GABRG2: variants seen among roughly 807,000 people sequenced by gnomAD.
GABRG2 encodes gamma-aminobutyric acid type A receptor subunit gamma2.
Under a neutral mutation model 56.4 loss-of-function variants are expected in GABRG2, and 16 were observed. The observed-to-expected ratio is 0.28, with a 90% CI of 0.19 to 0.43. The LOEUF (loss-of-function observed/expected upper bound fraction) is 0.43. GABRG2 is among the 20% of genes least tolerant of loss of function. The probability of loss-of-function intolerance (pLI) is 1.00; values close to 1 mark genes in which losing one functional copy is unlikely to be tolerated. For synonymous variants in GABRG2, 208 were observed against 205.5 expected (o/e 1.01, Z -0.10); for missense variants, 327 against 582.7 (o/e 0.56, Z 4.52).
At chr5:162,110,320 T>A (rs557594443) in intron 6 of GABRG2, among the ~76,000 whole-genome samples, 1 of 152,212 alleles carries the variant, frequency 6.6e-6, no homozygotes, top group African/African-American at 2.4e-5. Context: ...ATCATACTGT[T>A]CCCTTCCCTG....
At chr5:162,111,006 AT>A (rs1342176363) in intron 6 of GABRG2, among the ~76,000 whole-genome samples, 1 of 152,074 alleles carries the variant, frequency 6.6e-6, no homozygotes, top group Non-Finnish European at 1.5e-5. Context: ...AAAGGAGTAC[AT>A]TTGATTAGAT....
intron 5 of GABRG2, 77 bp downstream of exon 5, chr5:162,101,394 A>C: frequency 1.0e-6 from 1 of 1,004,144 alleles, no homozygotes. Flanking sequence ...TAATTGAAAG[A>C]AGCATAACAA....
chr5:162,135,835 C>T (rs1764084437), intron 6 of GABRG2, among the ~76,000 whole-genome samples: 1 of 152,018 alleles, frequency 6.6e-6, no homozygotes, highest in African/African-American at 2.4e-5. Flanking sequence ...GAACCCCAAT[C>T]AGTGAAGAAT....
At chr5:162,114,260 C>T (rs906227792) in intron 6 of GABRG2, among the ~76,000 whole-genome samples, 4 of 152,006 alleles carry the variant, frequency 2.6e-5, no homozygotes, top group African/African-American at 9.7e-5. Flanking sequence ...GTCCTATTTC[C>T]TATTTTTGGA....
chr5:162,111,675 C>G (rs1230504273), intron 6 of GABRG2, among the ~76,000 whole-genome samples: 2 of 152,040 alleles, frequency 1.3e-5, no homozygotes, highest in African/African-American at 2.4e-5. Context: ...GAAAGATATT[C>G]TTTTTCCATT....
chr5:162,103,788 T>A, intron 5 of GABRG2, 101 bp from the exon 6 acceptor site: 1 of 1,299,452 alleles, frequency 7.7e-7, no homozygotes. Flanking sequence ...CTTGTAACTA[T>A]CTTTCTCAGT....
chr5:162,145,266 G>A (rs1209872979), intron 7 of GABRG2, among the ~76,000 whole-genome samples: 1 of 152,170 alleles, frequency 6.6e-6, no homozygotes, highest in Non-Finnish European at 1.5e-5. Flanking sequence ...TTGGTGCCCA[G>A]GTGGTAGTTG....
At chr5:162,086,283 A>G (rs949463165) in intron 1 of GABRG2, among the ~76,000 whole-genome samples, 1 of 152,084 alleles carries the variant, frequency 6.6e-6, no homozygotes, top group Non-Finnish European at 1.5e-5. Context: ...TAAAAAATTC[A>G]TACTCATATT....
At chr5:162,142,726 A>G in intron 7 of GABRG2, 1 of 319,642 alleles carries the variant, frequency 3.1e-6, no homozygotes, top group South Asian at 2.7e-5. Flanking sequence ...AGGAAGGGGA[A>G]CATCACACAC....
At chr5:162,107,262 A>G (rs541834704) in intron 6 of GABRG2, among the ~76,000 whole-genome samples, 3 of 152,288 alleles carry the variant, frequency 2.0e-5, no homozygotes, top group South Asian at 2.1e-4. Flanking sequence ...AAGTTAATAT[A>G]AGGACCATAA....
At chr5:162,123,371 TTTATCTAA>T (rs1763104208) in intron 6 of GABRG2, among the ~76,000 whole-genome samples, 1 of 139,256 alleles carries the variant, frequency 7.2e-6, no homozygotes, top group South Asian at 2.4e-4. Context: ...GAAACCTTTA[TTTATCTAA>T]TTATCTAATT....
chr5:162,096,520 A>G (rs190681759), intron 3 of GABRG2, among the ~76,000 whole-genome samples: 2 of 152,230 alleles, frequency 1.3e-5, no homozygotes, highest in Non-Finnish European at 2.9e-5. Flanking sequence ...CTGGCACATC[A>G]CTAATTGGTT....
At position 162,142,319 on chromosome 5, in the gene GABRG2, G is replaced by C. The variant is rs770181296; in HGVS notation, c.922+3G>C. 9.3e-6 allele frequency: 15 copies of C among 1,613,840 alleles called. No homozygotes were observed. The highest frequency in any genetic ancestry group is 1.3e-5 in the African/African-American group (1 of 74,920). On this transcript the variant is annotated splice_donor_region_variant and intron_variant, in intron 7 of 9. Coordinates refer to ENST00000639213, the MANE Select transcript of GABRG2 (RefSeq NM_198904.4). ...TGTTCCAGCCAGAACATCTTTAGGT[G>C]AGACACCTTTGTTTATGTTGCAGTT...
intron 7 of GABRG2, among the ~76,000 whole-genome samples, chr5:162,145,629 G>T (rs2113615697): frequency 6.6e-6 from 1 of 152,304 alleles, no homozygotes; most frequent in Non-Finnish European, 1.5e-5. Context: ...TGGCTTTGAT[G>T]AATGCCTATG....
intron 6 of GABRG2, among the ~76,000 whole-genome samples, chr5:162,125,550 G>A (rs1053190906): frequency 2.0e-5 from 3 of 151,714 alleles, no homozygotes; most frequent in Non-Finnish European, 4.4e-5. Context: ...AGGATTCCCA[G>A]TTTTTAAACA....
At chr5:162,128,475 A>C (rs1306739642) in intron 6 of GABRG2, 1 of 151,946 alleles carries the variant, frequency 6.6e-6, no homozygotes, top group Non-Finnish European at 1.5e-5. Flanking sequence ...CAATGCTGGA[A>C]ATGCCCCTGG....
chr5:162,080,052 T>C (rs2113188541), intron 1 of GABRG2, among the ~76,000 whole-genome samples: 1 of 152,284 alleles, frequency 6.6e-6, no homozygotes, highest in South Asian at 2.1e-4. Flanking sequence ...TGAAGTACTG[T>C]GTTAAATGTA....
rs886060388 is a variant in GABRG2, at chr5:162,155,257, C to T, written c.*1889C>T. The T allele has an allele frequency of 6.6e-6, 1 of 152,278 alleles. No homozygotes were observed. Among genetic ancestry groups the T allele is most frequent in the South Asian group, 2.1e-4 (1 of 4,810 alleles). The allele number at this position is 152,278 out of a possible 1,614,324, so 9.4% of individuals were successfully genotyped here. A position where few individuals can be genotyped will look rare whatever the true frequency, so the allele number is the denominator to read the frequency against. On this transcript the variant is annotated 3_prime_UTR_variant, in exon 10 of 10. Coordinates refer to ENST00000639213, the MANE Select transcript of GABRG2 (RefSeq NM_198904.4). ...GAATTATTTTCTTGTTTTGAATTGT[C>T]AATATATTAAATGTTGACTCTTTGG...
intron 5 of GABRG2, chr5:162,102,124 C>T (rs1376304434): frequency 2.5e-5 from 4 of 159,424 alleles, no homozygotes; most frequent in South Asian, 3.5e-4. Flanking sequence ...GTTTGAAAAA[C>T]GTTGATGATC....
Sources: gnomAD v4.1 joint callset for allele counts (sites outside exome capture counted in the v4.1 genomes callset) on GRCh38, gnomAD v4.1.1 for gene constraint, MANE v1.5 for transcripts, NCBI Gene and HGNC (gene_info 2026-07-23, HGNC 2026-07-21) for gene names.